The following PLCB2 variants were observed in gnomAD, a reference collection of about 807,000 sequenced individuals.
PLCB2 encodes the protein phospholipase C beta 2.
Under a neutral mutation model 141.7 loss-of-function variants are expected in PLCB2, and 115 were observed. The observed-to-expected ratio is 0.81, with a 90% confidence interval of 0.70 to 0.95. The LOEUF (loss-of-function observed/expected upper bound fraction) is 0.95. PLCB2 is among the 40% of genes least tolerant of loss of function. PLCB2 has a pLI of 0.00. For missense variants in PLCB2, 1,403 were observed against 1,541.1 expected, an observed-to-expected ratio of 0.91 and a Z score of 1.50; for synonymous variants, 603 against 595.6, an observed-to-expected ratio of 1.01 and a Z score of -0.18.
In PLCB2 at chr15:40,298,298, G is replaced by C; in HGVS notation, c.1080C>G (p.Cys360Trp). 1 of 1,606,100 alleles carries C rather than the reference G, an allele frequency of 6.2e-7. No homozygotes were observed. The highest frequency in any genetic ancestry group is 8.5e-7 in the Non-Finnish European group (1 of 1,174,680). The change falls in exon 11 of 32, where the codon TGC (cysteine) becomes TGG (tryptophan). Residue 360 changes from cysteine (C) to tryptophan (W), a missense_variant. Transcript: ENST00000260402. ...LSGCRCVELDCWKGKPPDEEP... is the reference protein window; with the variant it reads ...LSGCRCVELDWWKGKPPDEEP... Reference sequence around the variant, plus strand: ...CCTCGTCAGGGGGTTTCCCCTTCCAGCAGTCTAGCTCCACGCAACGGCAGC... The same window carrying C: ...CCTCGTCAGGGGGTTTCCCCTTCCACCAGTCTAGCTCCACGCAACGGCAGC...
At chr15:40,304,353 C>T (rs975034064) in intron 1 of PLCB2, among the ~76,000 whole-genome samples, 6 of 152,146 alleles carry the variant, frequency 3.9e-5, no homozygotes, top group Admixed American at 2.6e-4. Flanking sequence ...TCTCATAGAG[C>T]GAGACTCCCT....
chr15:40,291,570 C>T, intron 25 of PLCB2, 36 bp downstream of exon 25: 1 of 1,612,442 alleles, frequency 6.2e-7, no homozygotes, highest in Non-Finnish European at 8.5e-7. Flanking sequence ...CCGCCCCAGG[C>T]TCATCCCCGA....
intron 16 of PLCB2, 121 bp downstream of exon 16, chr15:40,296,175 C>A: frequency 1.4e-6 from 1 of 712,506 alleles, no homozygotes; most frequent in Non-Finnish European, 2.4e-6. Flanking sequence ...GAGCCACTGC[C>A]ACTTAAGCAA....
Position 40,290,852 on chromosome 15 carries a change from A to G in PLCB2, c.3037-15T>C, listed in dbSNP as rs1281254859. 1.7e-5 allele frequency: 26 copies of G among 1,544,660 alleles called. No individual in the cohort carries two copies. Among genetic ancestry groups the G allele is most frequent in the Non-Finnish European group, 2.1e-5 (24 of 1,135,364 alleles). ...TTGGAGATTTGCTGCAGGGAGAGGA[A>G]GTAAGCTTGGCGAGAAGCCCTTTGT... On this transcript the variant is annotated splice_polypyrimidine_tract_variant and intron_variant, in intron 27 of 31. Coordinates refer to ENST00000260402, the MANE Select transcript of PLCB2 (RefSeq NM_004573.3).
intron 28 of PLCB2, 31 bp downstream of exon 28, chr15:40,290,730 C>A: frequency 6.2e-7 from 1 of 1,612,172 alleles, no homozygotes; most frequent in East Asian, 2.2e-5. Context: ...TGCTGGGAGG[C>A]GAAGCAGGTG....
rs376093580 is a variant in PLCB2 at position 40,289,352 on chromosome 15, C to T, written c.3274G>A (p.Glu1092Lys). Residue 1092 changes from glutamate to lysine, a missense_variant, in exon 31 of 32, where the codon GAG becomes AAG. Physicochemically the swap from Glu to Lys is moderately conservative, Grantham distance 56. Coordinates refer to ENST00000260402, the MANE Select transcript of PLCB2 (RefSeq NM_004573.3). Reference protein sequence around the residue: ...EVVQVIKQMTENLERHQEKLE... With the variant: ...EVVQVIKQMTKNLERHQEKLE... ...TTCTCCTGGTGCCTCTCCAAGTTCTCCGTCATCTGGGTGGGAGTGGATGGC... is the reference window on the plus strand; with the variant it reads ...TTCTCCTGGTGCCTCTCCAAGTTCTTCGTCATCTGGGTGGGAGTGGATGGC... The T allele has an allele frequency of 6.2e-7, 1 of 1,613,580 alleles. No individual in the cohort carries two copies. The highest frequency in any genetic ancestry group is 8.5e-7 in the Non-Finnish European group (1 of 1,179,652).
At position 40,288,275 on chromosome 15, in the gene PLCB2, C is replaced by G. The variant is rs73391372; in HGVS notation, c.*440G>C. ...TGGACAAGGCCAACTCAGGGCAGGC[C>G]TGATGGGGCCTGGAAGCCTGGGGCA... On this transcript the variant is annotated 3_prime_UTR_variant, in exon 32 of 32. Transcript: ENST00000260402. The G allele has an allele frequency of 0.013, 12,642 of 989,596 alleles. 520 individuals are homozygous for G. The highest frequency in any genetic ancestry group is 0.13 in the African/African-American group (7,233 of 57,482). 61.3% of individuals were successfully genotyped at this position (989,596 alleles called of 1,614,324 possible). A position where few individuals can be genotyped will look rare whatever the true frequency, so the allele number is the denominator to read the frequency against.
chr15:40,298,103 T>C, intron 11 of PLCB2, 120 bp downstream of exon 11: 1 of 1,247,782 alleles, frequency 8.0e-7, no homozygotes, highest in South Asian at 1.4e-5. Context: ...TGGTCCCCAA[T>C]GGTCTGAGGC....
downstream of PLCB2, among the ~76,000 whole-genome samples, chr15:40,284,836 C>CAAAAAAAAAAAAAAAAA (rs56397946): frequency 2.7e-5 from 2 of 74,892 alleles, no homozygotes; most frequent in African/African-American, 1.4e-4. Flanking sequence ...GAGACTCCGT[C>CAAAAAAAAAAAAAAAAA]AAAAAAAAAA....
chr15:40,287,739 C>A (rs1201685960), downstream of PLCB2, among the ~76,000 whole-genome samples: 1 of 152,100 alleles, frequency 6.6e-6, no homozygotes, highest in Non-Finnish European at 1.5e-5. Flanking sequence ...GGAAATGAAT[C>A]CTCTTCAAGT....
chr15:40,293,760 C>A (rs887133127), intron 19 of PLCB2, 36 bp from the exon 20 acceptor site: 7 of 1,596,234 alleles, frequency 4.4e-6, no homozygotes, highest in Non-Finnish European at 5.1e-6. Flanking sequence ...AGCATCAAAT[C>A]CCCACCCAGG....
intron 19 of PLCB2, 40 bp from the exon 20 acceptor site, chr15:40,293,764 A>G: frequency 6.3e-7 from 1 of 1,593,414 alleles, no homozygotes. Flanking sequence ...TCAAATCCCC[A>G]CCCAGGCTCT....
At position 40,293,737 on chromosome 15, in the gene PLCB2, G is replaced by T; in HGVS notation, c.2062-13C>A. The T allele has an allele frequency of 1.2e-6, 2 of 1,600,654 alleles. No individual in the cohort carries two copies. Among genetic ancestry groups the T allele is most frequent in the Non-Finnish European group, 1.7e-6 (2 of 1,169,476 alleles). On this transcript the variant is annotated splice_polypyrimidine_tract_variant and intron_variant, in intron 19 of 31. Transcript: ENST00000260402. The stretch of plus-strand genomic sequence containing the variant: ...GCCCAGAGATCACCTGGGGGTAGGG[G>T]CCCAGGAAAACCAGCATCAAATCCC...
At position 40,288,811 on chromosome 15, in the gene PLCB2, G is replaced by C. The variant is rs1182543461; in HGVS notation, c.3462C>G (p.Ala1154=). ...CGCAGGCCCTCTCAGGCTTGTCCTT[G>C]GCCTCGGAGGGAAAGCAGGTCCTGA... ...ACLRTCFPSE[A]KDKPERACEC... The change falls in exon 32 of 32, where the codon GCC becomes GCG. Residue 1154 remains alanine (A), a synonymous_variant. Transcript: ENST00000260402. The C allele has an allele frequency of 6.2e-7, 1 of 1,613,772 alleles. No homozygotes were observed. Among genetic ancestry groups the C allele is most frequent in the Non-Finnish European group, 8.5e-7 (1 of 1,179,842 alleles).
chr15:40,292,920 C>T lies in PLCB2; in HGVS notation c.2326+6G>A, dbSNP rs773307822. Reference sequence around the variant, plus strand: ...TCTTGGAACAGTGAAGGACCCCACTCCTTACCAGAATTTAGGGCATTGATG... The same window carrying T: ...TCTTGGAACAGTGAAGGACCCCACTTCTTACCAGAATTTAGGGCATTGATG... On this transcript the variant is annotated splice_donor_region_variant and intron_variant, in intron 21 of 31. Coordinates refer to ENST00000260402, the MANE Select transcript of PLCB2 (RefSeq NM_004573.3). 4 of 1,582,462 alleles carry T rather than the reference C, an allele frequency of 2.5e-6. No individual in the cohort carries two copies. The highest frequency in any genetic ancestry group is 2.6e-6 in the Non-Finnish European group (3 of 1,156,816).
At chr15:40,296,987 C>T (rs1381550236) in intron 13 of PLCB2, 79 bp from the exon 14 acceptor site, 1 of 1,423,180 alleles carries the variant, frequency 7.0e-7, no homozygotes, top group African/African-American at 1.4e-5. Context: ...AGGCATGCTC[C>T]CTCGGCCTCC....
At position 40,291,187 on chromosome 15, in the gene PLCB2, G is replaced by A; in HGVS notation, c.2871-4C>T. The A allele has an allele frequency of 6.4e-7, 1 of 1,571,606 alleles. No individual in the cohort carries two copies. Among genetic ancestry groups the A allele is most frequent in the Non-Finnish European group, 8.6e-7 (1 of 1,166,772 alleles). ...GCTCTCCTCGCGGGGCAGGCTCCTG[G>A]GGAGGCCACGTGGGGACAGGCCCTG... is the stretch of plus-strand genomic sequence containing the variant. On this transcript the variant is annotated splice_region_variant and splice_polypyrimidine_tract_variant and intron_variant, in intron 26 of 31. Coordinates refer to ENST00000260402, the MANE Select transcript of PLCB2 (RefSeq NM_004573.3).
In PLCB2 at chr15:40,302,349, C is replaced by G; in HGVS notation, c.373G>C (p.Ala125Pro). 2 of 1,613,908 alleles carry G rather than the reference C, an allele frequency of 1.2e-6. No individual in the cohort carries two copies. Among genetic ancestry groups the G allele is most frequent in the Non-Finnish European group, 1.7e-6 (2 of 1,179,938 alleles). Residue 125 changes from alanine to proline, a missense_variant and splice_region_variant, in exon 5 of 32, where the codon GCC (alanine) becomes CCC (proline). By Grantham distance (27) the Ala-to-Pro change is conservative. This residue lies in a region of PLCB2 where 975 missense variants were observed against 1,141.1 expected (regional missense o/e 0.85). Coordinates refer to ENST00000260402, the MANE Select transcript of PLCB2 (RefSeq NM_004573.3). Reference sequence around the variant, plus strand: ...AGGGCCAGTACGTCCTCAGCCCAGGCCTGCAGGACCACAGAGAGCAGCGGT... The same window carrying G: ...AGGGCCAGTACGTCCTCAGCCCAGGGCTGCAGGACCACAGAGAGCAGCGGT... ...FVSYKENVGK[A>P]WAEDVLALVK...
intron 15 of PLCB2, 50 bp downstream of exon 15, chr15:40,296,472 G>T (rs778113838): frequency 1.9e-6 from 3 of 1,613,666 alleles, no homozygotes; most frequent in East Asian, 2.2e-5. Flanking sequence ...CATCCAGGGG[G>T]CTTAACGGTG....
Sources: gnomAD v4.1 joint callset for allele counts (sites outside exome capture counted in the v4.1 genomes callset) on GRCh38, gnomAD v4.1.1 for gene constraint, gnomAD v4.1.1 regional missense constraint, MANE v1.5 for transcripts, NCBI Gene and HGNC (gene_info 2026-07-23, HGNC 2026-07-21) for gene names.